The following DLG2 variants were observed in gnomAD, a reference collection of about 807,000 sequenced individuals.
The protein encoded by DLG2 is disks large homolog 2.
Under a neutral mutation model 132.5 loss-of-function variants are expected in DLG2, and 45 were observed. The observed-to-expected ratio is 0.34, with a 90% CI of 0.27 to 0.44. The LOEUF is 0.44. DLG2 is among the 20% of genes least tolerant of loss of function. The probability of loss-of-function intolerance (pLI) is 1.00; values close to 1 mark genes in which losing one functional copy is unlikely to be tolerated. For missense variants in DLG2, 1,045 were observed against 1,196.9 expected, an observed-to-expected ratio of 0.87 and a Z score of 1.87; for synonymous variants, 424 against 419.6, an observed-to-expected ratio of 1.01 and a Z score of -0.13.
intron 9 of DLG2, among the ~76,000 whole-genome samples, chr11:84,130,503 T>TAC (rs1435627560): frequency 2.5e-4 from 28 of 113,614 alleles, no homozygotes; most frequent in African/African-American, 1.1e-3. Flanking sequence ...TATATATATA[T>TAC]ATACACACAC....
chr11:84,306,847 T>C (rs1411550713), intron 7 of DLG2, among the ~76,000 whole-genome samples: 1 of 152,160 alleles, frequency 6.6e-6, no homozygotes, highest in Non-Finnish European at 1.5e-5. Flanking sequence ...AAATAACAGA[T>C]GTTGGCGAGC....
Position 84,857,946 on chromosome 11 carries a change from G to A in DLG2, c.357+253715C>T, listed in dbSNP as rs1441458221. Among the ~76,000 whole-genome samples, 14 of 151,598 alleles carry A rather than the reference G, an allele frequency of 9.2e-5. 1 individual carries two copies. Among genetic ancestry groups the A allele is most frequent in the Admixed American group, 8.5e-4 (13 of 15,212 alleles). On this transcript the variant is annotated intron_variant, in intron 6 of 27. Coordinates refer to ENST00000376104, the MANE Select transcript of DLG2 (RefSeq NM_001142699.3). ...CACTGTGTGTCATGCAGGCTGGAGT[G>A]CAGTGATTCAGTCAATGCTCACTGT...
intron 6 of DLG2, among the ~76,000 whole-genome samples, chr11:84,804,187 A>G (rs2075744291): frequency 6.6e-6 from 1 of 152,202 alleles, no homozygotes; most frequent in South Asian, 2.1e-4. Context: ...CACTTAGGAC[A>G]AGACTGGCAG....
At chr11:84,208,026 T>C (rs2096697542) in intron 8 of DLG2, among the ~76,000 whole-genome samples, 1 of 152,208 alleles carries the variant, frequency 6.6e-6, no homozygotes, top group Non-Finnish European at 1.5e-5. Context: ...AAATAAAAGT[T>C]TTTTTAAAAA....
At chr11:83,476,079 G>A (rs2092593683) in intron 22 of DLG2, among the ~76,000 whole-genome samples, 1 of 152,054 alleles carries the variant, frequency 6.6e-6, no homozygotes, top group Admixed American at 6.6e-5. Context: ...CATTCTTTAG[G>A]AATTCCTGGA....
intron 6 of DLG2, among the ~76,000 whole-genome samples, chr11:84,673,373 T>C (rs545052379): frequency 6.6e-6 from 1 of 151,852 alleles, no homozygotes; most frequent in South Asian, 2.1e-4. Context: ...TAAGAAAGAT[T>C]ATAGACTTTG....
At chr11:83,520,695 G>GTAGGTAGATAGATAGATAGA (rs1555151886) in intron 21 of DLG2, among the ~76,000 whole-genome samples, 1 of 149,034 alleles carries the variant, frequency 6.7e-6, no homozygotes, top group African/African-American at 2.5e-5. Flanking sequence ...AAGTAGGTAG[G>GTAGGTAGATAGATAGATAGA]TAGATAGATA....
intron 6 of DLG2, among the ~76,000 whole-genome samples, chr11:84,756,284 C>T (rs1408472301): frequency 1.3e-5 from 2 of 152,174 alleles, no homozygotes; most frequent in East Asian, 1.9e-4. Context: ...CTCTTGCAAA[C>T]ACAAAATGTT....
chr11:85,023,878 C>T (rs1399339386), intron 6 of DLG2, among the ~76,000 whole-genome samples: 1 of 152,042 alleles, frequency 6.6e-6, no homozygotes, highest in Non-Finnish European at 1.5e-5. Flanking sequence ...GCCCATTTTA[C>T]AAACATAAAA....
chr11:84,724,500 C>G (rs920484548), intron 6 of DLG2, among the ~76,000 whole-genome samples: 6 of 152,160 alleles, frequency 3.9e-5, no homozygotes, highest in African/African-American at 1.4e-4. Context: ...ATGCTAGTAG[C>G]TTTGAATCAG....
intron 7 of DLG2, among the ~76,000 whole-genome samples, chr11:84,326,511 T>A (rs2098433887): frequency 6.6e-6 from 1 of 152,176 alleles, no homozygotes; most frequent in Non-Finnish European, 1.5e-5. Context: ...GTTGTTTAAT[T>A]TCCTCATGTG....
At chr11:84,959,684 G>C (rs2052246843) in intron 6 of DLG2, among the ~76,000 whole-genome samples, 1 of 152,198 alleles carries the variant, frequency 6.6e-6, no homozygotes, top group Non-Finnish European at 1.5e-5. Context: ...TTGATGTTCA[G>C]AGGAGGAAGA....
chr11:85,453,849 C>T (rs564894591), intron 3 of DLG2, among the ~76,000 whole-genome samples: 2 of 152,036 alleles, frequency 1.3e-5, no homozygotes, highest in Non-Finnish European at 2.9e-5. Context: ...AACTGTGTCA[C>T]AGGGGTTTGG....
chr11:84,264,294 C>T (rs534434607), intron 7 of DLG2, among the ~76,000 whole-genome samples: 1 of 152,268 alleles, frequency 6.6e-6, no homozygotes, highest in African/African-American at 2.4e-5. Flanking sequence ...GTTCCTAGCC[C>T]CACAGCTGTT....
chr11:85,561,331 C>CAAAAAAAAAAAAAAAAAAAA (rs1162562595), intron 3 of DLG2, among the ~76,000 whole-genome samples: 1 of 12,504 alleles, frequency 8.0e-5, no homozygotes, highest in Non-Finnish European at 1.6e-4. Flanking sequence ...GACCCTATCT[C>CAAAAAAAAAAAAAAAAAAAA]AAAAAAAAAA....
intron 7 of DLG2, among the ~76,000 whole-genome samples, chr11:84,424,471 T>C (rs1446681156): frequency 6.6e-6 from 1 of 152,066 alleles, no homozygotes; most frequent in Non-Finnish European, 1.5e-5. Context: ...AGGTAATACC[T>C]GTTATTCAAA....
At chr11:85,348,605 C>A (rs1169427451) in intron 3 of DLG2, among the ~76,000 whole-genome samples, 6 of 152,076 alleles carry the variant, frequency 3.9e-5, no homozygotes, top group Non-Finnish European at 2.9e-5. Context: ...ATGCCCCAAA[C>A]TGAAGTTATT....
At chr11:85,493,724 G>C (rs7925210) in intron 3 of DLG2, among the ~76,000 whole-genome samples, 5,232 of 141,932 alleles carry the variant, frequency 0.037, 344 homozygotes, top group African/African-American at 0.13. Flanking sequence ...GGGAGGGTAG[G>C]AGAGAAGAGG....
intron 6 of DLG2, among the ~76,000 whole-genome samples, chr11:85,038,179 A>C (rs1309138237): frequency 6.6e-6 from 1 of 152,108 alleles, no homozygotes; most frequent in East Asian, 1.9e-4. Context: ...GAGGAGAATA[A>C]AGATCTCTCT....
Sources: gnomAD v4.1 joint callset for allele counts (sites outside exome capture counted in the v4.1 genomes callset) on GRCh38, gnomAD v4.1.1 for gene constraint, MANE v1.5 for transcripts, NCBI Gene and HGNC (gene_info 2026-07-23, HGNC 2026-07-21) for gene names.